The following DMD variants were observed in gnomAD, a reference collection of about 807,000 sequenced individuals.
DMD encodes the protein dystrophin.
DMD carries 63 observed loss-of-function variants against 330.1 expected under a neutral mutation model. The ratio of observed to expected loss-of-function variants is 0.19; its 90% confidence interval spans 0.16 to 0.24. The LOEUF is 0.24. DMD is among the 10% of genes least tolerant of loss of function. The pLI is 1.00. For synonymous variants in DMD, 1,223 were observed against 959.8 expected (o/e 1.27, Z -5.07); for missense variants, 3,344 against 2,684.1 (o/e 1.25, Z -5.43).
At chrX:33,009,998 GTATGTATGTGTATATACACATA>G (rs2093637037) in intron 2 of DMD, among the ~76,000 whole-genome samples, 4 of 27,168 alleles carry the variant, frequency 1.5e-4, no homozygotes, top group Non-Finnish European at 2.1e-4. Flanking sequence ...GTATATACAC[GTATGTATGTGTATATACACATA>G]TGTGTGTACA....
chrX:33,241,167 C>A (rs1444621253), intron 1 of DMD, among the ~76,000 whole-genome samples: 1 of 111,773 alleles, frequency 8.9e-6, no homozygotes, highest in Non-Finnish European at 1.9e-5. Context: ...CCTTATGTTT[C>A]CTTCTGGTAG....
intron 17 of DMD, among the ~76,000 whole-genome samples, chrX:32,521,982 T>G (rs2046470208): frequency 9.0e-6 from 1 of 111,676 alleles, no homozygotes; most frequent in African/African-American, 3.3e-5. Context: ...GAGCACCAAG[T>G]ATGAACCAGG....
At chrX:32,894,398 C>T (rs1450270721) in intron 2 of DMD, among the ~76,000 whole-genome samples, 3 of 112,491 alleles carry the variant, frequency 2.7e-5, no homozygotes, top group Non-Finnish European at 3.8e-5. Context: ...TAGAAACGAT[C>T]CAGTGGTGGC....
At chrX:32,798,151 A>C (rs1370704691) in intron 7 of DMD, among the ~76,000 whole-genome samples, 1 of 112,003 alleles carries the variant, frequency 8.9e-6, no homozygotes, top group Non-Finnish European at 1.9e-5. Context: ...AATTCAAGCC[A>C]GGCTCCCGCA....
chrX:31,943,899 G>C (rs1183427981), intron 45 of DMD, among the ~76,000 whole-genome samples: 1 of 70,762 alleles, frequency 1.4e-5, no homozygotes, highest in South Asian at 5.2e-4. Flanking sequence ...GAGAGAGAGA[G>C]AGAGAGAGAG....
intron 44 of DMD, chrX:32,102,209 T>G (rs999040187): frequency 3.6e-5 from 4 of 112,075 alleles, no homozygotes; most frequent in Non-Finnish European, 5.6e-5. Flanking sequence ...TCCGTAACTG[T>G]AAGAAGTAAA....
chrX:33,016,015 AG>A (rs757396482), intron 2 of DMD, among the ~76,000 whole-genome samples: 1 of 111,143 alleles, frequency 9.0e-6, no homozygotes, highest in South Asian at 3.9e-4. Flanking sequence ...CGGTAACAAA[AG>A]CCCACCAAGA....
At chrX:31,541,168 C>T (rs886936634) in intron 55 of DMD, among the ~76,000 whole-genome samples, 3 of 111,366 alleles carry the variant, frequency 2.7e-5, no homozygotes, top group African/African-American at 6.5e-5. Flanking sequence ...GACGGAGAGA[C>T]TGAAGTTTAA....
At chrX:32,236,739 C>T (rs2097189260) in intron 43 of DMD, among the ~76,000 whole-genome samples, 1 of 111,786 alleles carries the variant, frequency 8.9e-6, no homozygotes, top group African/African-American at 3.2e-5. Flanking sequence ...ATCCTTTTTC[C>T]TGTATAAATG....
chrX:32,386,499 A>T lies in DMD; in HGVS notation c.4519-34T>A, dbSNP rs72468639. The stretch of plus-strand genomic sequence containing the variant: ...AAACATAAAACAAAACATGATAATC[A>T]GTAGAGTTAAATTATTTCATAATAT... On this transcript the variant is annotated intron_variant, in intron 32 of 78. Coordinates refer to ENST00000357033, the MANE Select transcript of DMD (RefSeq NM_004006.3). 0.018 allele frequency: 19,622 copies of T among 1,094,105 alleles called. 167 individuals carry two copies. Among genetic ancestry groups the T allele is most frequent in the South Asian group, 0.084 (4,483 of 53,434 alleles). The allele number at this position is 1,094,105 out of a possible 1,213,427, so 90.2% of individuals were successfully genotyped here.
chrX:32,370,226 T>G (rs866806777), intron 34 of DMD, among the ~76,000 whole-genome samples: 2 of 109,583 alleles, frequency 1.8e-5, no homozygotes, highest in South Asian at 3.9e-4. Context: ...AGTGTTTTTT[T>G]TTTTTTTTTT....
chrX:31,873,258 C>T (rs1243341041), intron 48 of DMD, among the ~76,000 whole-genome samples: 1 of 111,751 alleles, frequency 8.9e-6, no homozygotes, highest in Non-Finnish European at 1.9e-5. Context: ...TTCCACAGTG[C>T]CATCTGCTCT....
At chrX:33,146,186 G>A (rs2048022472) in intron 1 of DMD, among the ~76,000 whole-genome samples, 1 of 110,282 alleles carries the variant, frequency 9.1e-6, no homozygotes, top group Admixed American at 9.7e-5. Context: ...GAGCCACTGC[G>A]CCTGGCCAAC....
At chrX:32,414,291 G>A (rs2098157335) in intron 29 of DMD, among the ~76,000 whole-genome samples, 1 of 111,367 alleles carries the variant, frequency 9.0e-6, no homozygotes, top group East Asian at 2.8e-4. Context: ...CTAAGTTCAG[G>A]GAGGTAATTC....
intron 47 of DMD, among the ~76,000 whole-genome samples, chrX:31,879,213 G>GC (rs1556965860): frequency 1.1e-5 from 1 of 94,591 alleles, no homozygotes; most frequent in Non-Finnish European, 2.0e-5. Flanking sequence ...ACATGGCGGG[G>GC]GGGGGCCTCA....
chrX:33,256,502 A>G (rs2052858431), intron 1 of DMD, among the ~76,000 whole-genome samples: 1 of 110,228 alleles, frequency 9.1e-6, no homozygotes, highest in Admixed American at 9.7e-5. Context: ...AAATCTTTTT[A>G]TTCTGTTCTA....
At chrX:32,616,153 A>T (rs1322709158) in intron 11 of DMD, among the ~76,000 whole-genome samples, 1 of 111,004 alleles carries the variant, frequency 9.0e-6, no homozygotes, top group Non-Finnish European at 1.9e-5. Context: ...TATAAAGCAT[A>T]TATACCCTCA....
intron 1 of DMD, among the ~76,000 whole-genome samples, chrX:33,316,015 A>G (rs1412569034): frequency 9.0e-6 from 1 of 110,700 alleles, no homozygotes; most frequent in Non-Finnish European, 1.9e-5. Flanking sequence ...CCTCTTGAAA[A>G]CTACCCTTTC....
At chrX:32,396,278 T>G (rs1281448311) in intron 30 of DMD, among the ~76,000 whole-genome samples, 1 of 111,301 alleles carries the variant, frequency 9.0e-6, no homozygotes, top group Non-Finnish European at 1.9e-5. Context: ...CTGTTGAGGA[T>G]GAGCTTCTGT....
Sources: allele counts gnomAD v4.1 joint callset (sites outside exome capture counted in the v4.1 genomes callset), GRCh38; gene constraint gnomAD v4.1.1; transcripts MANE v1.5; gene names NCBI Gene and HGNC (gene_info 2026-07-23, HGNC 2026-07-21).